MORC2: variants seen among roughly 807,000 people sequenced by gnomAD.
MORC2 encodes ATPase MORC2.
In MORC2, 30 loss-of-function variants were observed where a neutral mutation model predicts 136.0. The observed-to-expected ratio is 0.22, with a 90% CI of 0.17 to 0.30. The LOEUF is 0.30. Among genes scored for constraint, MORC2 ranks in the 10% least tolerant of loss-of-function variants. The pLI is 1.00. For synonymous variants in MORC2, 439 were observed against 487.0 expected, an observed-to-expected ratio of 0.90 and a Z score of 1.30; for missense variants, 922 against 1,333.1, an observed-to-expected ratio of 0.69 and a Z score of 4.80.
intron 6 of MORC2, among the ~76,000 whole-genome samples, chr22:30,945,279 C>G (rs572948587): frequency 6.6e-6 from 1 of 152,190 alleles, no homozygotes; most frequent in African/African-American, 2.4e-5. Context: ...ACTCACATAC[C>G]ACACCAAAAA....
At chr22:30,948,289 A>G (rs2040846593) in intron 5 of MORC2, among the ~76,000 whole-genome samples, 1 of 152,228 alleles carries the variant, frequency 6.6e-6, no homozygotes, top group African/African-American at 2.4e-5. Flanking sequence ...GAGGAGGCTG[A>G]TCTACAATCT....
At chr22:30,933,352 C>T in intron 21 of MORC2, 114 bp downstream of exon 21, 1 of 1,189,294 alleles carries the variant, frequency 8.4e-7, no homozygotes, top group Non-Finnish European at 1.2e-6. Flanking sequence ...GCACAAGAGC[C>T]CAGACCCAGG....
rs1398330231 is a variant in MORC2 at position 30,967,484 on chromosome 22, T to C, written c.68+338A>G. ...ACTACAGAGGGGAAACGGTTGATACTAAAATAGTCCAACATTTGGCGATCC... is the reference window on the plus strand; with the variant it reads ...ACTACAGAGGGGAAACGGTTGATACCAAAATAGTCCAACATTTGGCGATCC... On this transcript the variant is annotated intron_variant, in intron 1 of 25. Coordinates refer to ENST00000397641, the MANE Select transcript of MORC2 (RefSeq NM_001303256.3). 1.2e-5 allele frequency: 13 copies of C among 1,079,892 alleles called. No individual in the cohort carries two copies. The East Asian group carries it at 8.5e-4, about 71-fold the overall frequency. 66.9% of individuals were successfully genotyped at this position (1,079,892 alleles called of 1,614,324 possible).
At chr22:30,931,469 G>A (rs1401528661) in intron 24 of MORC2, among the ~76,000 whole-genome samples, 1 of 152,174 alleles carries the variant, frequency 6.6e-6, no homozygotes, top group Non-Finnish European at 1.5e-5. Flanking sequence ...AACTTTTGCA[G>A]GCTGTCCTCT....
chr22:30,939,734 A>C (rs760955575), intron 11 of MORC2, 28 bp from the exon 12 acceptor site: 1 of 1,605,968 alleles, frequency 6.2e-7, no homozygotes, highest in Non-Finnish European at 8.5e-7. Flanking sequence ...AGGTGAGGGG[A>C]GGTGGCACTC....
chr22:30,926,740 C>T lies in MORC2; in HGVS notation c.*63G>A. 14 of 1,430,368 alleles carry T rather than the reference C, an allele frequency of 9.8e-6. No individual in the cohort carries two copies. Among genetic ancestry groups the T allele is most frequent in the Non-Finnish European group, 1.4e-5 (14 of 1,024,610 alleles). 88.6% of individuals were successfully genotyped at this position (1,430,368 alleles called of 1,614,324 possible). A position where few individuals can be genotyped will look rare whatever the true frequency, so the allele number is the denominator to read the frequency against. On this transcript the variant is annotated 3_prime_UTR_variant, in exon 26 of 26. Transcript: ENST00000397641. ...GACCACCAACCCATGAATGAAGTCC[C>T]CTCCCCCTGCAGCTACAGGGTTGAG...
chr22:30,936,657 G>T lies in MORC2; in HGVS notation c.1605-14C>A, dbSNP rs751086636. 1 of 1,612,286 alleles carries T rather than the reference G, an allele frequency of 6.2e-7. No individual in the cohort carries two copies. Among genetic ancestry groups the T allele is most frequent in the East Asian group, 2.2e-5 (1 of 44,888 alleles). The stretch of plus-strand genomic sequence containing the variant: ...GAAGCCTCACACCTGTAGAGACAAG[G>T]TACTACAGAGGTCGTGGCAAACAGA... On this transcript the variant is annotated splice_polypyrimidine_tract_variant and intron_variant, in intron 16 of 25. Transcript: ENST00000397641.
chr22:30,958,725 A>G (rs2041001750), intron 1 of MORC2, 31 bp from the exon 2 acceptor site: 1 of 1,498,690 alleles, frequency 6.7e-7, no homozygotes, highest in Non-Finnish European at 9.1e-7. Flanking sequence ...AGTCAGCAAA[A>G]GAATTATTGA....
intron 6 of MORC2, among the ~76,000 whole-genome samples, chr22:30,944,953 T>C (rs746243662): frequency 9.2e-5 from 14 of 151,738 alleles, no homozygotes; most frequent in Non-Finnish European, 1.6e-4. Flanking sequence ...AAGAATCTGA[T>C]ACTGGCACAT....
intron 24 of MORC2, among the ~76,000 whole-genome samples, chr22:30,931,477 T>G (rs1339636470): frequency 6.6e-6 from 1 of 152,226 alleles, no homozygotes; most frequent in African/African-American, 2.4e-5. Context: ...CAGGCTGTCC[T>G]CTTCATACAG....
intron 12 of MORC2, among the ~76,000 whole-genome samples, chr22:30,939,037 C>T (rs964440723): frequency 5.9e-5 from 9 of 152,084 alleles, no homozygotes; most frequent in South Asian, 2.1e-4. Flanking sequence ...GCCAAGGAGG[C>T]CAACAAGAGG....
intron 1 of MORC2, 184 bp from the exon 2 acceptor site, chr22:30,958,878 A>AATTG: frequency 1.8e-6 from 1 of 547,936 alleles, no homozygotes; most frequent in Non-Finnish European, 3.2e-6. Context: ...AATCTTTAAC[A>AATTG]AGTCCTGCCA....
In MORC2 at chr22:30,926,795, T is replaced by C. The variant is rs1396669910; in HGVS notation, c.*8A>G. On this transcript the variant is annotated 3_prime_UTR_variant, in exon 26 of 26. Transcript: ENST00000397641. The stretch of plus-strand genomic sequence containing the variant: ...AGGTGGGCAGGGGAGCTGCTCTCTC[T>C]CCTGCCTTCAGTCCCCCTTGGTGAT... The C allele has an allele frequency of 2.5e-6, 4 of 1,611,474 alleles. No individual in the cohort carries two copies. Among genetic ancestry groups the C allele is most frequent in the Non-Finnish European group, 3.4e-6 (4 of 1,178,230 alleles).
At chr22:30,947,740 G>C (rs2040839258) in intron 5 of MORC2, among the ~76,000 whole-genome samples, 1 of 152,166 alleles carries the variant, frequency 6.6e-6, no homozygotes, top group South Asian at 2.1e-4. Context: ...GAGCAAGTAA[G>C]GCACGTTATC....
At chr22:30,958,913 C>A in intron 1 of MORC2, 1 of 454,116 alleles carries the variant, frequency 2.2e-6, no homozygotes, top group Non-Finnish European at 3.9e-6. Context: ...ATTATTCTTC[C>A]TATTTTGAGT....
chr22:30,949,673 G>C, intron 5 of MORC2, 79 bp downstream of exon 5: 2 of 1,210,466 alleles, frequency 1.7e-6, no homozygotes, highest in Non-Finnish European at 2.4e-6. Context: ...CAAGGAGAAG[G>C]AAAGTTTTCA....
chr22:30,964,696 G>A (rs190459202), intron 1 of MORC2, among the ~76,000 whole-genome samples: 48 of 152,270 alleles, frequency 3.2e-4, no homozygotes, highest in African/African-American at 1.1e-3. Context: ...AGGTTATCAC[G>A]AGAATTTATT....
chr22:30,954,952 A>ATTTTTT (rs34059352), intron 3 of MORC2, among the ~76,000 whole-genome samples: 9 of 105,320 alleles, frequency 8.5e-5, no homozygotes, highest in Admixed American at 1.1e-4. Flanking sequence ...TGGCCTGAGC[A>ATTTTTT]TTTTTTTTTT....
intron 1 of MORC2, among the ~76,000 whole-genome samples, chr22:30,965,340 T>TAC (rs1569206459): frequency 6.6e-6 from 1 of 152,210 alleles, no homozygotes; most frequent in Non-Finnish European, 1.5e-5. Context: ...TGAACCACTT[T>TAC]ACACACAGGT....
Sources: allele counts gnomAD v4.1 joint callset (sites outside exome capture counted in the v4.1 genomes callset), GRCh38; gene constraint gnomAD v4.1.1; transcripts MANE v1.5; gene names NCBI Gene and HGNC (gene_info 2026-07-23, HGNC 2026-07-21).